Variants in MGAT4C observed in about 807,000 individuals in gnomAD.
MGAT4C encodes MGAT4 family member C.
Under a neutral mutation model 40.1 loss-of-function variants are expected in MGAT4C, and 19 were observed. The ratio of observed to expected loss-of-function variants is 0.47; its 90% CI spans 0.33 to 0.70. The LOEUF (loss-of-function observed/expected upper bound fraction) is 0.70, where lower values mean the gene tolerates loss of function less well. Among genes scored for constraint, MGAT4C ranks in the 30% least tolerant of loss-of-function variants. MGAT4C has a pLI of 0.02. For synonymous variants in MGAT4C, 181 were observed against 187.1 expected, an observed-to-expected ratio of 0.97 and a Z score of 0.27; for missense variants, 491 against 563.2, an observed-to-expected ratio of 0.87 and a Z score of 1.30.
intron 2 of MGAT4C, among the ~76,000 whole-genome samples, chr12:86,649,573 C>A (rs1161184720): frequency 6.6e-6 from 1 of 151,736 alleles, no homozygotes; most frequent in Non-Finnish European, 1.5e-5. Context: ...GAGAGTAAAG[C>A]AGGTCGATGC....
At chr12:86,293,115 T>C (rs1235714945) in intron 4 of MGAT4C, among the ~76,000 whole-genome samples, 3 of 152,198 alleles carry the variant, frequency 2.0e-5, no homozygotes, top group Non-Finnish European at 4.4e-5. Context: ...TAGCGCTGAT[T>C]ATTTAAAAGT....
At chr12:86,177,012 A>G (rs752177776) in intron 1 of MGAT4C, among the ~76,000 whole-genome samples, 1 of 151,896 alleles carries the variant, frequency 6.6e-6, no homozygotes, top group Non-Finnish European at 1.5e-5. Flanking sequence ...GCAGGTCAGT[A>G]TATCTGACCC....
At chr12:86,626,234 G>GTACATACTCA (rs1445165171) in intron 2 of MGAT4C, among the ~76,000 whole-genome samples, 1 of 152,096 alleles carries the variant, frequency 6.6e-6, no homozygotes, top group Non-Finnish European at 1.5e-5. Context: ...AATTGAGTAA[G>GTACATACTCA]TACACAGGAG....
chr12:86,758,631 T>C (rs1245294344), intron 1 of MGAT4C, among the ~76,000 whole-genome samples: 2 of 152,040 alleles, frequency 1.3e-5, no homozygotes, highest in Non-Finnish European at 2.9e-5. Context: ...TCTGGCTTCA[T>C]AGGTTTCTGC....
At chr12:86,747,528 G>A (rs1951169915) in intron 1 of MGAT4C, among the ~76,000 whole-genome samples, 1 of 151,552 alleles carries the variant, frequency 6.6e-6, no homozygotes. Flanking sequence ...TAAATTGGAT[G>A]AAACATAGCT....
intron 1 of MGAT4C, among the ~76,000 whole-genome samples, chr12:86,155,282 G>C (rs1207018828): frequency 6.6e-6 from 1 of 152,142 alleles, no homozygotes; most frequent in African/African-American, 2.4e-5. Flanking sequence ...AAATAATTTT[G>C]TATCAAAGTA....
chr12:86,694,869 C>T lies in MGAT4C; in HGVS notation c.-229+32340G>A, dbSNP rs140504980. Among the ~76,000 whole-genome samples the T allele has an allele frequency of 3.3e-3, 498 of 152,130 alleles. 3 individuals are homozygous for T. The highest frequency in any genetic ancestry group is 0.011 in the African/African-American group (476 of 41,518). ...ACATTGGTCTGGGCAAAAAATTTCC[C>T]GAGTAATGCCTCCAAATCACAGGCA... On this transcript the variant is annotated intron_variant, in intron 2 of 7. Transcript: ENST00000548651.
At chr12:86,697,240 T>A (rs1165924369) in intron 2 of MGAT4C, among the ~76,000 whole-genome samples, 1 of 152,084 alleles carries the variant, frequency 6.6e-6, no homozygotes, top group Non-Finnish European at 1.5e-5. Flanking sequence ...TTACATGCAA[T>A]ATTTCTCCCT....
chr12:86,397,884 G>A (rs1271369441), intron 3 of MGAT4C, among the ~76,000 whole-genome samples: 1 of 152,148 alleles, frequency 6.6e-6, no homozygotes, highest in African/African-American at 2.4e-5. Flanking sequence ...GATGGCATGA[G>A]CCCAGGAGTT....
intron 2 of MGAT4C, among the ~76,000 whole-genome samples, chr12:86,486,265 G>T (rs1406831090): frequency 6.6e-6 from 1 of 151,894 alleles, no homozygotes; most frequent in East Asian, 1.9e-4. Flanking sequence ...GGATAGAGTA[G>T]AAAGGTCTAT....
At position 86,502,649 on chromosome 12, in the gene MGAT4C, TAC is replaced by T. The variant is rs532851822; in HGVS notation, c.-228-67386_-228-67385del. Among the ~76,000 whole-genome samples, 490 of 144,604 alleles carry T rather than the reference TAC, an allele frequency of 3.4e-3. 1 individual carries two copies. Among genetic ancestry groups the T allele is most frequent in the African/African-American group, 0.012 (473 of 40,552 alleles). The allele number at this position is 144,604 out of a possible 152,430, so 94.9% of individuals were successfully genotyped here. A position where few individuals can be genotyped will look rare whatever the true frequency, so the allele number is the denominator to read the frequency against. ...TATATATGATTTCTGCTCATATATA[TAC>T]ATGATTTCTGCTCATATATATACAC... On this transcript the variant is annotated intron_variant, in intron 2 of 7. Transcript: ENST00000548651.
chr12:86,304,201 GT>G (rs1953880372), intron 4 of MGAT4C, among the ~76,000 whole-genome samples: 1 of 150,612 alleles, frequency 6.6e-6, no homozygotes, highest in South Asian at 2.1e-4. Context: ...AATAAAAATT[GT>G]TTTCAGCTTT....
intron 2 of MGAT4C, among the ~76,000 whole-genome samples, chr12:86,679,981 C>T (rs565842888): frequency 7.9e-5 from 12 of 152,080 alleles, no homozygotes; most frequent in South Asian, 4.1e-4. Flanking sequence ...ACCTCATTCA[C>T]GGCCTTGATA....
At chr12:86,791,077 C>A (rs2136192840) in intron 1 of MGAT4C, among the ~76,000 whole-genome samples, 1 of 152,212 alleles carries the variant, frequency 6.6e-6, no homozygotes, top group Middle Eastern at 3.4e-3. Flanking sequence ...TTTCGGTGTG[C>A]TCTAGTAAGG....
intron 3 of MGAT4C, among the ~76,000 whole-genome samples, chr12:86,335,977 C>G (rs1954780658): frequency 6.6e-6 from 1 of 152,088 alleles, no homozygotes; most frequent in Non-Finnish European, 1.5e-5. Flanking sequence ...AGTGTTCTTT[C>G]TAACAAAACC....
At chr12:86,807,476 T>C (rs945010236) in intron 1 of MGAT4C, among the ~76,000 whole-genome samples, 1 of 152,154 alleles carries the variant, frequency 6.6e-6, no homozygotes, top group Non-Finnish European at 1.5e-5. Context: ...TGTGGCTGCA[T>C]AGTATTCCAT....
At chr12:85,996,995 T>C (rs963849721) in intron 2 of MGAT4C, among the ~76,000 whole-genome samples, 4 of 152,162 alleles carry the variant, frequency 2.6e-5, no homozygotes, top group Admixed American at 2.6e-4. Flanking sequence ...AATAGCAGTG[T>C]ATAAATCTGT....
intron 2 of MGAT4C, among the ~76,000 whole-genome samples, chr12:86,519,417 A>G (rs1958752226): frequency 6.6e-6 from 1 of 152,122 alleles, no homozygotes; most frequent in South Asian, 2.1e-4. Context: ...TTGGATATAT[A>G]CCCAGTAGTG....
At chr12:86,695,824 CA>C (rs1565931070) in intron 2 of MGAT4C, among the ~76,000 whole-genome samples, 1 of 150,938 alleles carries the variant, frequency 6.6e-6, no homozygotes, top group Non-Finnish European at 1.5e-5. Context: ...TTAATAGGTA[CA>C]AAAAAATAGA....
Sources: allele counts gnomAD v4.1 joint callset (sites outside exome capture counted in the v4.1 genomes callset), GRCh38; gene constraint gnomAD v4.1.1; transcripts MANE v1.5; gene names NCBI Gene and HGNC (gene_info 2026-07-23, HGNC 2026-07-21).